The following CSMD1 variants were observed in gnomAD, a reference collection of about 807,000 sequenced individuals.
The protein encoded by CSMD1 is CUB and sushi domain-containing protein 1.
Under a neutral mutation model 417.5 loss-of-function variants are expected in CSMD1, and 213 were observed. That is an observed-to-expected ratio of 0.51 (90% confidence interval 0.46 to 0.57). The LOEUF is 0.57. Among genes scored for constraint, CSMD1 ranks in the 20% least tolerant of loss-of-function variants. The pLI is 0.00. For missense variants in CSMD1, 6,923 were observed against 4,529.7 expected (o/e 1.53, Z -15.17); for synonymous variants, 2,862 against 1,736.8 (o/e 1.65, Z -16.11).
chr8:4,969,049 C>A (rs560512824), intron 1 of CSMD1, among the ~76,000 whole-genome samples: 9 of 152,150 alleles, frequency 5.9e-5, no homozygotes, highest in Non-Finnish European at 1.2e-4. Flanking sequence ...CAGAATTCAT[C>A]CTGAATGCCA....
intron 1 of CSMD1, among the ~76,000 whole-genome samples, chr8:4,955,812 A>C (rs571211630): frequency 9.2e-6 from 1 of 108,746 alleles, no homozygotes; most frequent in African/African-American, 3.0e-5. Flanking sequence ...AAATTGGCCA[A>C]CATGGGAATA....
intron 3 of CSMD1, among the ~76,000 whole-genome samples, chr8:4,108,306 T>C (rs910007325): frequency 6.6e-6 from 1 of 152,208 alleles, no homozygotes. Context: ...TAAACTCATA[T>C]GACAATTGTA....
At chr8:4,794,078 T>C (rs1050144422) in intron 1 of CSMD1, among the ~76,000 whole-genome samples, 4 of 152,188 alleles carry the variant, frequency 2.6e-5, no homozygotes, top group Non-Finnish European at 5.9e-5. Context: ...TTTATATTTT[T>C]CTCAAAACTT....
At chr8:3,627,349 C>T (rs950940748) in intron 7 of CSMD1, among the ~76,000 whole-genome samples, 1 of 152,134 alleles carries the variant, frequency 6.6e-6, no homozygotes, top group African/African-American at 2.4e-5. Flanking sequence ...GTTAAGACTT[C>T]AATTTCACAG....
rs779817843 is a variant in CSMD1, at chr8:4,623,850, C to T, written c.302+13492G>A. ...TGTGCTGGCAACAAAACTTAGAACA[C>T]AGGATGGATGACCGGGGTCACAAGA... On this transcript the variant is annotated intron_variant, in intron 2 of 69. Transcript: ENST00000635120. Among the ~76,000 whole-genome samples the T allele has an allele frequency of 5.9e-5, 9 of 152,108 alleles. No individual in the cohort carries two copies. In the East Asian group the frequency reaches 1.7e-3, roughly 29 times the overall value.
At chr8:3,863,362 C>T (rs978996462) in intron 5 of CSMD1, among the ~76,000 whole-genome samples, 1 of 148,124 alleles carries the variant, frequency 6.8e-6, no homozygotes, top group Admixed American at 6.8e-5. Flanking sequence ...TGCCACTGCA[C>T]TCTAGCCTAG....
At chr8:4,579,153 T>C (rs566454644) in intron 2 of CSMD1, among the ~76,000 whole-genome samples, 1 of 151,942 alleles carries the variant, frequency 6.6e-6, no homozygotes, top group African/African-American at 2.4e-5. Flanking sequence ...AAAAGTGGCC[T>C]GTGAGGAATA....
intron 10 of CSMD1, among the ~76,000 whole-genome samples, chr8:3,495,628 A>C (rs1875069): frequency 0.063 from 9,572 of 152,242 alleles, 704 homozygotes; most frequent in African/African-American, 0.16. Context: ...GACAGCTTTT[A>C]GTTTGTCATA....
At chr8:3,053,526 G>C (rs1038236357) in intron 49 of CSMD1, among the ~76,000 whole-genome samples, 1 of 152,112 alleles carries the variant, frequency 6.6e-6, no homozygotes, top group African/African-American at 2.4e-5. Flanking sequence ...TGATAGAGGA[G>C]GCACTCGGGG....
chr8:4,668,519 A>T (rs529157975), intron 1 of CSMD1, among the ~76,000 whole-genome samples: 1 of 150,306 alleles, frequency 6.7e-6, no homozygotes, highest in African/African-American at 2.4e-5. Context: ...GCACGATCTC[A>T]GCTCACTGCA....
intron 8 of CSMD1, among the ~76,000 whole-genome samples, chr8:3,613,865 C>G (rs1009651456): frequency 6.6e-6 from 1 of 151,952 alleles, no homozygotes; most frequent in East Asian, 1.9e-4. Context: ...GGAATAAAGG[C>G]AGAGATGTCT....
At chr8:4,436,213 C>T (rs1362333695) in intron 2 of CSMD1, among the ~76,000 whole-genome samples, 2 of 152,266 alleles carry the variant, frequency 1.3e-5, no homozygotes, top group African/African-American at 4.8e-5. Flanking sequence ...TCTTATGCCT[C>T]ATATTAACTT....
chr8:4,355,170 G>C (rs1801346972), intron 3 of CSMD1, among the ~76,000 whole-genome samples: 1 of 151,988 alleles, frequency 6.6e-6, no homozygotes, highest in Admixed American at 6.6e-5. Flanking sequence ...GCTGAGGCAG[G>C]AGAATGGCGT....
chr8:3,905,558 G>A (rs919955799), intron 5 of CSMD1, among the ~76,000 whole-genome samples: 2 of 152,200 alleles, frequency 1.3e-5, no homozygotes, highest in African/African-American at 4.8e-5. Context: ...CTCACTGGGA[G>A]GGCTTGTGCA....
intron 3 of CSMD1, among the ~76,000 whole-genome samples, chr8:4,402,929 C>G (rs1585021136): frequency 6.7e-6 from 1 of 148,762 alleles, no homozygotes. Context: ...ATGCCATTCT[C>G]CTGTCTTAGC....
chr8:3,311,531 T>C (rs888027564), intron 23 of CSMD1, among the ~76,000 whole-genome samples: 1 of 151,940 alleles, frequency 6.6e-6, no homozygotes, highest in African/African-American at 2.4e-5. Flanking sequence ...ATTATAAGCA[T>C]GAGTCTAATC....
chr8:4,350,004 C>T (rs887325811), intron 3 of CSMD1, among the ~76,000 whole-genome samples: 4 of 152,008 alleles, frequency 2.6e-5, no homozygotes, highest in Non-Finnish European at 2.9e-5. Context: ...GGTCCCTGAG[C>T]CCTGGAATCT....
At chr8:3,508,834 G>A (rs527588074) in intron 10 of CSMD1, among the ~76,000 whole-genome samples, 3 of 152,272 alleles carry the variant, frequency 2.0e-5, no homozygotes, top group African/African-American at 7.2e-5. Flanking sequence ...CACATCAGCT[G>A]TCACTCTCCT....
chr8:4,288,366 C>G (rs1048682118), intron 3 of CSMD1, among the ~76,000 whole-genome samples: 3 of 152,140 alleles, frequency 2.0e-5, no homozygotes, highest in African/African-American at 7.2e-5. Flanking sequence ...CTTAATGATT[C>G]CAGAGAGGCT....
Sources: allele counts gnomAD v4.1 joint callset (sites outside exome capture counted in the v4.1 genomes callset), GRCh38; gene constraint gnomAD v4.1.1; transcripts MANE v1.5; gene names NCBI Gene and HGNC (gene_info 2026-07-23, HGNC 2026-07-21).